NR5A1: variants seen among roughly 807,000 people sequenced by gnomAD.
The protein encoded by NR5A1 is steroidogenic factor 1.
In NR5A1, 6 loss-of-function variants were observed where a neutral mutation model predicts 42.7. The observed-to-expected ratio is 0.14, with a 90% CI of 0.08 to 0.28. The LOEUF is 0.28. Ranked by LOEUF, NR5A1 falls within the 10% of genes least tolerant of loss-of-function variation. NR5A1 has a pLI of 1.00. For synonymous variants in NR5A1, 274 were observed against 277.5 expected, an observed-to-expected ratio of 0.99 and a Z score of 0.12; for missense variants, 442 against 626.4, an observed-to-expected ratio of 0.71 and a Z score of 3.14.
intron 4 of NR5A1, 126 bp downstream of exon 4, chr9:124,499,964 C>G (rs1832440377): frequency 7.0e-7 from 1 of 1,429,712 alleles, no homozygotes; most frequent in Non-Finnish European, 9.8e-7. Context: ...AGGGTGGCCT[C>G]CGGGTCCCCA....
At chr9:124,494,188 C>T (rs916190971) in intron 4 of NR5A1, among the ~76,000 whole-genome samples, 2 of 152,238 alleles carry the variant, frequency 1.3e-5, no homozygotes, top group Non-Finnish European at 2.9e-5. Context: ...CTTCCTGGGC[C>T]GTGCCCTATG....
intron 6 of NR5A1, among the ~76,000 whole-genome samples, chr9:124,488,361 TG>T (rs1180420386): frequency 6.6e-6 from 1 of 152,052 alleles, no homozygotes; most frequent in East Asian, 1.9e-4. Context: ...TGCCATCAGC[TG>T]GGGTCCTGGA....
chr9:124,491,036 C>CCCCCCCCGGGGGGTT, intron 6 of NR5A1, 45 bp downstream of exon 6: 1 of 1,401,602 alleles, frequency 7.1e-7, no homozygotes, highest in Non-Finnish European at 9.6e-7. Context: ...CCCACCCACC[C>CCCCCCCCGGGGGGTT]GCCTCTGGCT....
Position 124,495,558 on chromosome 9 carries a change from G to A in NR5A1, c.871-2409C>T, listed in dbSNP as rs1832379082. ...AGGGGCCTGCCCAGGGGTCACACTG[G>A]CAGCAAGAAAAACTCAGGCCCACCG... On this transcript the variant is annotated intron_variant, in intron 4 of 6. Coordinates refer to ENST00000373588, the MANE Select transcript of NR5A1 (RefSeq NM_004959.5). Among the ~76,000 whole-genome samples, 5 of 152,192 alleles carry A rather than the reference G, an allele frequency of 3.3e-5. No homozygotes were observed. The South Asian group carries it at 1.0e-3, about 32-fold the overall frequency.
intron 6 of NR5A1, among the ~76,000 whole-genome samples, chr9:124,486,493 C>T (rs1478281515): frequency 6.6e-6 from 1 of 152,212 alleles, no homozygotes. Context: ...AGGACTGGGG[C>T]CCCCTGCCCA....
chr9:124,503,036 C>T lies in NR5A1; in HGVS notation c.244+43G>A. The T allele has an allele frequency of 6.5e-7, 1 of 1,539,150 alleles. No homozygotes were observed. The highest frequency in any genetic ancestry group is 8.7e-7 in the Non-Finnish European group (1 of 1,147,340). ...CTCCCACCCCCACCCCCTACCCCCT[C>T]AGGCTGTGGGGGGTCAGGGGTCGAG... On this transcript the variant is annotated intron_variant, in intron 3 of 6. Coordinates refer to ENST00000373588, the MANE Select transcript of NR5A1 (RefSeq NM_004959.5). This position sits in a 1 kb window ranked among gnomAD's most constrained non-coding sequence, Gnocchi z 9.6.
At chr9:124,491,766 T>C (rs1832312790) in intron 5 of NR5A1, among the ~76,000 whole-genome samples, 1 of 151,818 alleles carries the variant, frequency 6.6e-6, no homozygotes, top group South Asian at 2.1e-4. Context: ...CACCCGCCCT[T>C]GTACGCTCAC....
In NR5A1 at chr9:124,491,890, G is replaced by GCA. The variant is rs145384261; in HGVS notation, c.991-664_991-663dup. On this transcript the variant is annotated intron_variant, in intron 5 of 6. Coordinates refer to ENST00000373588, the MANE Select transcript of NR5A1 (RefSeq NM_004959.5). ...ATTTTGCACAATAAAACACAGGCAG[G>GCA]CACACACACACACACACACAAACAG... Among the ~76,000 whole-genome samples the GCA allele has an allele frequency of 3.9e-3, 574 of 145,428 alleles. 2 individuals are homozygous for GCA. The highest frequency in any genetic ancestry group is 0.012 in the African/African-American group (456 of 39,332).
intron 4 of NR5A1, among the ~76,000 whole-genome samples, chr9:124,495,274 T>G (rs2131282103): frequency 6.6e-6 from 1 of 152,308 alleles, no homozygotes; most frequent in African/African-American, 2.4e-5. Context: ...TCCGTATCTC[T>G]CCTTGGAAGT....
At chr9:124,483,582 G>A (rs943482361) in intron 6 of NR5A1, among the ~76,000 whole-genome samples, 14 of 152,174 alleles carry the variant, frequency 9.2e-5, no homozygotes, top group Middle Eastern at 3.4e-3. Flanking sequence ...TGCTCTCACC[G>A]CCGTCATGGC....
rs1250406412 is a variant in NR5A1 at position 124,496,472 on chromosome 9, C to T, written c.871-3323G>A. The stretch of plus-strand genomic sequence containing the variant: ...CCATCCACCCCTCCCACCGGACCGC[C>T]ACAAATCTTCCTGGAGCCTTGACGC... On this transcript the variant is annotated intron_variant, in intron 4 of 6. Coordinates refer to ENST00000373588, the MANE Select transcript of NR5A1 (RefSeq NM_004959.5). The surrounding 1 kb of genome is among the most constrained non-coding windows in gnomAD (Gnocchi z 5.0). Among the ~76,000 whole-genome samples, 2 of 152,146 alleles carry T rather than the reference C, an allele frequency of 1.3e-5. No individual in the cohort carries two copies. The highest frequency in any genetic ancestry group is 2.9e-5 in the Non-Finnish European group (2 of 68,024).
intron 3 of NR5A1, among the ~76,000 whole-genome samples, chr9:124,502,162 A>T (rs1832480459): frequency 6.6e-6 from 1 of 152,108 alleles, no homozygotes. Context: ...GCAGATCCTA[A>T]TGGAAAGCGT....
Position 124,482,643 on chromosome 9 carries a change from G to T in NR5A1, c.*115C>A. 1 of 1,234,192 alleles carries T rather than the reference G, an allele frequency of 8.1e-7. No homozygotes were observed. The highest frequency in any genetic ancestry group is 1.1e-6 in the Non-Finnish European group (1 of 877,792). The allele number at this position is 1,234,192 out of a possible 1,614,324, so 76.5% of individuals were successfully genotyped here. Reference sequence around the variant, plus strand: ...CAGCGGCCTCTGGGACGGGGCTGGGGCTCCTCGGTGGGCATCAGAAAATGA... The same window carrying T: ...CAGCGGCCTCTGGGACGGGGCTGGGTCTCCTCGGTGGGCATCAGAAAATGA... On this transcript the variant is annotated 3_prime_UTR_variant, in exon 7 of 7. Coordinates refer to ENST00000373588, the MANE Select transcript of NR5A1 (RefSeq NM_004959.5).
Position 124,500,358 on chromosome 9 carries a change from T to C in NR5A1, c.602A>G (p.Tyr201Cys). 1.3e-6 allele frequency: 2 copies of C among 1,556,350 alleles called. No homozygotes were observed. The highest frequency in any genetic ancestry group is 1.2e-5 in the South Asian group (1 of 84,848). Residue 201 changes from tyrosine to cysteine, a missense_variant, in exon 4 of 7, where the codon TAT (tyrosine) becomes TGT (cysteine). Physicochemically the swap from Tyr to Cys is radical, Grantham distance 194. Around this residue, in one of 3 missense-constraint regions of NR5A1, gnomAD observed 208 missense variants for 203.8 expected, o/e 1.02. Coordinates refer to ENST00000373588, the MANE Select transcript of NR5A1 (RefSeq NM_004959.5). This position sits in a 1 kb window ranked among gnomAD's most constrained non-coding sequence, Gnocchi z 6.9. Reference protein sequence around the residue: ...RAIKSEYPEPYASPPQPGLPY... With the variant: ...RAIKSEYPEPCASPPQPGLPY... ...CAGCCCAGGCTGTGGGGGGCTGGCATAAGGCTCCGGGTACTCAGACTTGAT... is the reference window on the plus strand; with the variant it reads ...CAGCCCAGGCTGTGGGGGGCTGGCACAAGGCTCCGGGTACTCAGACTTGAT...
At chr9:124,504,308 G>A (rs1832517470) in intron 1 of NR5A1, among the ~76,000 whole-genome samples, 2 of 152,192 alleles carry the variant, frequency 1.3e-5, no homozygotes, top group African/African-American at 4.8e-5. Context: ...GCGGAAACCT[G>A]CCGGGCAGGA....
chr9:124,505,993 C>T (rs1470977271), intron 1 of NR5A1, among the ~76,000 whole-genome samples: 5 of 152,292 alleles, frequency 3.3e-5, no homozygotes, highest in African/African-American at 9.6e-5. Flanking sequence ...GGCCAAAAAG[C>T]TGCGATCTTC....
intron 4 of NR5A1, among the ~76,000 whole-genome samples, chr9:124,499,144 A>G (rs1175581741): frequency 6.6e-6 from 1 of 152,092 alleles, no homozygotes; most frequent in Non-Finnish European, 1.5e-5. Flanking sequence ...CAGGCCAGGG[A>G]GGGGCAGGCC....
chr9:124,493,222 C>T, intron 4 of NR5A1, 73 bp from the exon 5 acceptor site: 1 of 1,539,396 alleles, frequency 6.5e-7, no homozygotes, highest in Non-Finnish European at 8.8e-7. Flanking sequence ...CCCTTCTCCT[C>T]CCACTGAGAC....
rs201548212 is a variant in NR5A1 at position 124,500,328 on chromosome 9, T to C, written c.632A>G (p.Tyr211Cys). ...YASPPQPGLP[Y>C]GYPEPFSGGP... ...TCCAGAGAAGGGCTCTGGGTAGCCG[T>C]ACGGCAGCCCAGGCTGTGGGGGGCT... Residue 211 changes from tyrosine to cysteine, a missense_variant, in exon 4 of 7, where the codon TAC becomes TGC. This residue lies in a region of NR5A1 where 208 missense variants were observed against 203.8 expected (regional missense o/e 1.02). Coordinates refer to ENST00000373588, the MANE Select transcript of NR5A1 (RefSeq NM_004959.5). The surrounding 1 kb of genome is among the most constrained non-coding windows in gnomAD (Gnocchi z 6.9). 133 of 1,558,240 alleles carry C rather than the reference T, an allele frequency of 8.5e-5. No homozygotes were observed. Among genetic ancestry groups the C allele is most frequent in the Non-Finnish European group, 1.1e-4 (123 of 1,151,426 alleles).
Sources: allele counts gnomAD v4.1 joint callset (sites outside exome capture counted in the v4.1 genomes callset), GRCh38; gene constraint gnomAD v4.1.1; regional missense constraint gnomAD v4.1.1; non-coding constraint Gnocchi (gnomAD v3.1); transcripts MANE v1.5; gene names NCBI Gene and HGNC (gene_info 2026-07-23, HGNC 2026-07-21).